Variants in CTNNBIP1 observed in about 807,000 individuals in gnomAD.
CTNNBIP1 encodes beta-catenin-interacting protein 1.
In CTNNBIP1, 7 loss-of-function variants were observed where a neutral mutation model predicts 11.8. The observed-to-expected ratio is 0.60, with a 90% CI of 0.34 to 1.12. The LOEUF (loss-of-function observed/expected upper bound fraction) is 1.12, where lower values mean the gene tolerates loss of function less well. Among genes scored for constraint, CTNNBIP1 ranks in the 50% most tolerant of loss-of-function variants. The pLI, the probability that CTNNBIP1 is intolerant of heterozygous loss-of-function variation, is 0.03. For synonymous variants in CTNNBIP1, 58 were observed against 43.9 expected, an observed-to-expected ratio of 1.32 and a Z score of -1.26; for missense variants, 101 against 113.4, an observed-to-expected ratio of 0.89 and a Z score of 0.50.
intron 1 of CTNNBIP1, among the ~76,000 whole-genome samples, chr1:9,909,005 C>T (rs1481944575): frequency 6.6e-6 from 1 of 152,258 alleles, no homozygotes; most frequent in Non-Finnish European, 1.5e-5. Context: ...CAAAGTCCTA[C>T]TTTAAATCTG....
rs1045657037 is a variant in CTNNBIP1, at chr1:9,883,024, G to A, written c.-110+681C>T. Reference sequence around the variant, plus strand: ...TCAGGAAGAAAACACGTGCAAGCACGGGTGGGGCAGCCGCAGGGCAGGGGG... The same window carrying A: ...TCAGGAAGAAAACACGTGCAAGCACAGGTGGGGCAGCCGCAGGGCAGGGGG... On this transcript the variant is annotated intron_variant, in intron 2 of 5. Coordinates refer to ENST00000377263, the MANE Select transcript of CTNNBIP1 (RefSeq NM_020248.3). This position sits in a 1 kb window ranked among gnomAD's most constrained non-coding sequence, Gnocchi z 5.6. 3.3e-5 allele frequency among the ~76,000 whole-genome samples: 5 copies of A among 152,234 alleles called. No homozygotes were observed. Among genetic ancestry groups the A allele is most frequent in the African/African-American group, 7.2e-5 (3 of 41,460 alleles).
intron 5 of CTNNBIP1, among the ~76,000 whole-genome samples, chr1:9,870,508 AGTGGCTTACT>A (rs1638838951): frequency 6.6e-6 from 1 of 152,220 alleles, no homozygotes; most frequent in Non-Finnish European, 1.5e-5. Flanking sequence ...TGCATGACCA[AGTGGCTTACT>A]GTTCCCAAAT....
At chr1:9,870,803 G>A (rs1172655184) in intron 5 of CTNNBIP1, among the ~76,000 whole-genome samples, 2 of 152,194 alleles carry the variant, frequency 1.3e-5, no homozygotes, top group Non-Finnish European at 2.9e-5. Flanking sequence ...TAGCACACAA[G>A]GGCAGTTTCT....
At chr1:9,874,012 A>T (rs1157518947) in intron 3 of CTNNBIP1, among the ~76,000 whole-genome samples, 3 of 152,116 alleles carry the variant, frequency 2.0e-5, no homozygotes, top group Admixed American at 6.5e-5. Flanking sequence ...AACAGATGAT[A>T]TCACTCCTAC....
intron 1 of CTNNBIP1, among the ~76,000 whole-genome samples, chr1:9,885,794 T>C (rs1639176452): frequency 6.6e-6 from 1 of 152,020 alleles, no homozygotes; most frequent in East Asian, 1.9e-4. Context: ...AAATACAAAA[T>C]TAGCCGTGTT....
At chr1:9,892,377 G>C (rs1056862427) in intron 1 of CTNNBIP1, among the ~76,000 whole-genome samples, 1 of 148,998 alleles carries the variant, frequency 6.7e-6, no homozygotes, top group South Asian at 2.1e-4. Flanking sequence ...AGCCGAGATC[G>C]CGCCACTGCA....
rs1638773318 is a variant in CTNNBIP1 at position 9,867,566 on chromosome 1, C to T, written c.187+3621G>A. ...TCCGTTGGAGGGTCTGCCTCAGACC[C>T]CCTGCTAGAGGAGTCCCGGGGTAGA... On this transcript the variant is annotated intron_variant, in intron 5 of 5. Transcript: ENST00000377263. The surrounding 1 kb of genome is among the most constrained non-coding windows in gnomAD (Gnocchi z 4.6). Among the ~76,000 whole-genome samples, 1 of 152,186 alleles carries T rather than the reference C, an allele frequency of 6.6e-6. No individual in the cohort carries two copies. The highest frequency in any genetic ancestry group is 1.9e-4 in the East Asian group (1 of 5,192).
At chr1:9,874,656 C>G (rs1355871293) in intron 3 of CTNNBIP1, among the ~76,000 whole-genome samples, 1 of 152,230 alleles carries the variant, frequency 6.6e-6, no homozygotes, top group East Asian at 1.9e-4. Context: ...TCACCCCTGT[C>G]CTCCGGGAGA....
intron 2 of CTNNBIP1, among the ~76,000 whole-genome samples, chr1:9,880,849 G>T (rs191387829): frequency 1.2e-3 from 184 of 152,262 alleles, no homozygotes; most frequent in Admixed American, 2.7e-3. Context: ...GCCAGTGATT[G>T]CTCTTCTGTG....
chr1:9,858,711 C>G (rs72635203), intron 5 of CTNNBIP1, among the ~76,000 whole-genome samples: 1 of 152,336 alleles, frequency 6.6e-6, no homozygotes, highest in Non-Finnish European at 1.5e-5. Context: ...GAACGTACAT[C>G]TCATGTCATC....
chr1:9,862,537 G>C (rs1250545783), intron 5 of CTNNBIP1, among the ~76,000 whole-genome samples: 1 of 152,254 alleles, frequency 6.6e-6, no homozygotes, highest in Non-Finnish European at 1.5e-5. Flanking sequence ...CAGTGATTGA[G>C]GTGTGCAAAT....
At chr1:9,908,759 T>C (rs1639671755) in intron 1 of CTNNBIP1, among the ~76,000 whole-genome samples, 1 of 152,236 alleles carries the variant, frequency 6.6e-6, no homozygotes, top group Admixed American at 6.5e-5. Context: ...ACTTATTGTC[T>C]GACTTTCCTC....
Position 9,880,068 on chromosome 1 carries a change from G to A in CTNNBIP1, c.-109-2079C>T, listed in dbSNP as rs888501265. On this transcript the variant is annotated intron_variant, in intron 2 of 5. Coordinates refer to ENST00000377263, the MANE Select transcript of CTNNBIP1 (RefSeq NM_020248.3). ...GGCGGTTTGTGGCACCTATCAACCC[G>A]TCACCTAGGTTTTAAGATTCGCATG... Among the ~76,000 whole-genome samples the A allele has an allele frequency of 5.3e-5, 8 of 152,206 alleles. No individual in the cohort carries two copies. The South Asian group carries it at 6.2e-4, about 12-fold the overall frequency.
In CTNNBIP1 at chr1:9,850,731, T is replaced by G. The variant is rs369249056; in HGVS notation, c.233A>C (p.Asp78Ala). ...VMAFSRSETE[D>A]RRQ Reference sequence around the variant, plus strand: ...AGGGCTTTGCAGCTACTGCCTCCGGTCTTCCGTCTCCGACCTGGAAAACGC... The same window carrying G: ...AGGGCTTTGCAGCTACTGCCTCCGGGCTTCCGTCTCCGACCTGGAAAACGC... The change falls in exon 6 of 6, where the codon GAC becomes GCC. Residue 78 changes from aspartate to alanine, a missense_variant. Asp to Ala is a moderately radical substitution (Grantham distance 126, BLOSUM62 -2). Coordinates refer to ENST00000377263, the MANE Select transcript of CTNNBIP1 (RefSeq NM_020248.3). 2.4e-5 allele frequency: 39 copies of G among 1,613,750 alleles called. No individual in the cohort carries two copies. Among genetic ancestry groups the G allele is most frequent in the Non-Finnish European group, 3.0e-5 (35 of 1,179,868 alleles).
At chr1:9,890,058 T>C (rs1055792591) in intron 1 of CTNNBIP1, among the ~76,000 whole-genome samples, 2 of 152,244 alleles carry the variant, frequency 1.3e-5, no homozygotes, top group African/African-American at 2.4e-5. Context: ...TGCATGTTCC[T>C]ATAACTGGAT....
At chr1:9,878,260 C>A (rs1639011990) in intron 2 of CTNNBIP1, 1 of 152,378 alleles carries the variant, frequency 6.6e-6, no homozygotes, top group African/African-American at 2.4e-5. Flanking sequence ...CAACACCACA[C>A]CCCCTGCTCC....
chr1:9,857,441 A>C (rs555958693), intron 5 of CTNNBIP1, among the ~76,000 whole-genome samples: 69 of 149,262 alleles, frequency 4.6e-4, no homozygotes, highest in African/African-American at 1.6e-3. Flanking sequence ...TAGTGAGCTG[A>C]GATAGCACCG....
chr1:9,888,553 A>G (rs1402279252), intron 1 of CTNNBIP1, among the ~76,000 whole-genome samples: 1 of 152,084 alleles, frequency 6.6e-6, no homozygotes, highest in Admixed American at 6.5e-5. Context: ...CTGCCTCAAA[A>G]AAAAAAAAAA....
chr1:9,869,827 C>T (rs1570571730), intron 5 of CTNNBIP1, among the ~76,000 whole-genome samples: 1 of 152,176 alleles, frequency 6.6e-6, no homozygotes, highest in African/African-American at 2.4e-5. Context: ...GAGTCAGAAG[C>T]CATGGTAGAG....
Sources: allele counts gnomAD v4.1 joint callset (sites outside exome capture counted in the v4.1 genomes callset), GRCh38; gene constraint gnomAD v4.1.1; non-coding constraint Gnocchi (gnomAD v3.1); transcripts MANE v1.5; gene names NCBI Gene and HGNC (gene_info 2026-07-23, HGNC 2026-07-21).